Variants in PDGFC observed in about 807,000 individuals in gnomAD.
PDGFC encodes the protein platelet derived growth factor C, also known as platelet-derived growth factor C.
A neutral mutation model predicts 35.5 loss-of-function variants in PDGFC; 12 were observed. The observed-to-expected ratio is 0.34, with a 90% CI of 0.22 to 0.55. The LOEUF (loss-of-function observed/expected upper bound fraction) is 0.55, where lower values mean the gene tolerates loss of function less well. PDGFC is among the 20% of genes least tolerant of loss of function. PDGFC has a pLI of 0.91. For missense variants in PDGFC, 322 were observed against 412.4 expected, an observed-to-expected ratio of 0.78 and a Z score of 1.90; for synonymous variants, 159 against 148.8, an observed-to-expected ratio of 1.07 and a Z score of -0.50.
chr4:156,878,111 A>G (rs1730158064), intron 1 of PDGFC, among the ~76,000 whole-genome samples: 1 of 152,204 alleles, frequency 6.6e-6, no homozygotes, highest in Non-Finnish European at 1.5e-5. Context: ...CTTAACGAAT[A>G]TTTGTGCACT....
At chr4:156,847,545 G>T (rs1460229715) in intron 2 of PDGFC, among the ~76,000 whole-genome samples, 2 of 151,726 alleles carry the variant, frequency 1.3e-5, no homozygotes, top group Non-Finnish European at 3.0e-5. Flanking sequence ...ATCTGAAAAA[G>T]ATCCTGAAAC....
chr4:156,885,158 C>T (rs1253176573), intron 1 of PDGFC, among the ~76,000 whole-genome samples: 3 of 123,506 alleles, frequency 2.4e-5, no homozygotes, highest in Non-Finnish European at 5.5e-5. Context: ...TGCATACATA[C>T]ACACACACAC....
chr4:156,914,755 C>A lies in PDGFC; in HGVS notation c.118+56031G>T, dbSNP rs143537391. 1.5e-3 allele frequency among the ~76,000 whole-genome samples: 230 copies of A among 152,258 alleles called. 1 individual carries two copies. The highest frequency in any genetic ancestry group is 5.4e-3 in the African/African-American group (226 of 41,576). Reference sequence around the variant, plus strand: ...TGGTGATTTCTAAAAGTCTCAAAATCAGCCAGAGAATTATATGCTCAGATT... The same window carrying A: ...TGGTGATTTCTAAAAGTCTCAAAATAAGCCAGAGAATTATATGCTCAGATT... On this transcript the variant is annotated intron_variant, in intron 1 of 5. Transcript: ENST00000502773.
intron 2 of PDGFC, among the ~76,000 whole-genome samples, chr4:156,825,396 A>C (rs1186601714): frequency 6.6e-6 from 1 of 151,108 alleles, no homozygotes; most frequent in Non-Finnish European, 1.5e-5. Context: ...CAAAAAAAAA[A>C]AAAAAATTCC....
chr4:156,939,265 T>G (rs1731752786), intron 1 of PDGFC, among the ~76,000 whole-genome samples: 1 of 152,218 alleles, frequency 6.6e-6, no homozygotes, highest in Non-Finnish European at 1.5e-5. Context: ...TTTCTGATTA[T>G]CTTACATTGT....
intron 1 of PDGFC, among the ~76,000 whole-genome samples, chr4:156,892,303 A>T (rs1324410233): frequency 6.6e-6 from 1 of 152,214 alleles, no homozygotes; most frequent in Non-Finnish European, 1.5e-5. Flanking sequence ...ATAATTAACA[A>T]AACTGATACA....
chr4:156,794,762 G>GA (rs1401312712), intron 3 of PDGFC, among the ~76,000 whole-genome samples: 4 of 151,868 alleles, frequency 2.6e-5, no homozygotes, highest in African/African-American at 9.7e-5. Context: ...GCTAATTATA[G>GA]AAAAAAATCA....
At chr4:156,784,206 A>C (rs1339240612) in intron 3 of PDGFC, among the ~76,000 whole-genome samples, 1 of 152,234 alleles carries the variant, frequency 6.6e-6, no homozygotes, top group African/African-American at 2.4e-5. Context: ...CATGAAAAGA[A>C]AAGAGGATAG....
intron 1 of PDGFC, among the ~76,000 whole-genome samples, chr4:156,932,539 A>T (rs913791395): frequency 2.6e-5 from 4 of 152,150 alleles, no homozygotes; most frequent in African/African-American, 9.7e-5. Flanking sequence ...AATGTGGCAC[A>T]TATATACCAT....
At chr4:156,769,223 A>G (rs896907211) in intron 4 of PDGFC, among the ~76,000 whole-genome samples, 2 of 151,898 alleles carry the variant, frequency 1.3e-5, no homozygotes, top group African/African-American at 4.8e-5. Context: ...TTTTCTGGTT[A>G]AAGATGGCTT....
At chr4:156,763,251 T>C in intron 5 of PDGFC, 45 bp from the exon 6 acceptor site, 2 of 916,680 alleles carry the variant, frequency 2.2e-6, no homozygotes, top group Non-Finnish European at 3.7e-6. Context: ...TCAACGAATG[T>C]CTATGACTGG....
intron 1 of PDGFC, among the ~76,000 whole-genome samples, chr4:156,925,264 G>A (rs1347839242): frequency 6.6e-6 from 1 of 152,184 alleles, no homozygotes; most frequent in Admixed American, 6.5e-5. Context: ...GGGTAAGAAA[G>A]GCTGGACAGG....
At chr4:156,908,711 T>C (rs1445753341) in intron 1 of PDGFC, among the ~76,000 whole-genome samples, 2 of 152,184 alleles carry the variant, frequency 1.3e-5, no homozygotes, top group Non-Finnish European at 1.5e-5. Context: ...CATTTAATTA[T>C]TCCCATCCAA....
intron 1 of PDGFC, among the ~76,000 whole-genome samples, chr4:156,871,442 C>A (rs1729981894): frequency 6.6e-6 from 1 of 152,014 alleles, no homozygotes; most frequent in Non-Finnish European, 1.5e-5. Context: ...AGAAATGATG[C>A]ACATACAATC....
chr4:156,770,717 C>G (rs954688595), intron 4 of PDGFC: 1 of 152,020 alleles, frequency 6.6e-6, no homozygotes, highest in Admixed American at 6.6e-5. Flanking sequence ...CAACCAAAAT[C>G]ATTATTTTTA....
At chr4:156,957,723 C>T (rs1168545505) in intron 1 of PDGFC, among the ~76,000 whole-genome samples, 1 of 152,128 alleles carries the variant, frequency 6.6e-6, no homozygotes, top group East Asian at 1.9e-4. Flanking sequence ...AAGGAGCTCA[C>T]AATAAAGCAT....
At chr4:156,853,389 C>A (rs184423710) in intron 1 of PDGFC, among the ~76,000 whole-genome samples, 1 of 152,170 alleles carries the variant, frequency 6.6e-6, no homozygotes, top group East Asian at 1.9e-4. Flanking sequence ...TAAACTACCC[C>A]AAATAATTGT....
chr4:156,933,267 G>A (rs547196820), intron 1 of PDGFC, among the ~76,000 whole-genome samples: 1 of 152,300 alleles, frequency 6.6e-6, no homozygotes, highest in South Asian at 2.1e-4. Context: ...CTTAACTACA[G>A]TAGATCCTTA....
intron 1 of PDGFC, among the ~76,000 whole-genome samples, chr4:156,930,794 G>T (rs568947175): frequency 2.0e-5 from 3 of 152,250 alleles, no homozygotes; most frequent in Admixed American, 1.3e-4. Flanking sequence ...CTTGAACCAG[G>T]AAGGCCGGAG....
Sources: allele counts gnomAD v4.1 joint callset (sites outside exome capture counted in the v4.1 genomes callset), GRCh38; gene constraint gnomAD v4.1.1; transcripts MANE v1.5; gene names NCBI Gene and HGNC (gene_info 2026-07-23, HGNC 2026-07-21).